Variants in SYNE1 observed in about 807,000 individuals in gnomAD.
The protein encoded by SYNE1 is nesprin-1.
SYNE1 carries 616 observed loss-of-function variants against 1,111.0 expected under a neutral mutation model. The ratio of observed to expected loss-of-function variants is 0.55; its 90% CI spans 0.52 to 0.59. SYNE1 has a LOEUF of 0.59. SYNE1 is among the 20% of genes least tolerant of loss of function. The probability of loss-of-function intolerance (pLI) is 0.00; values close to 1 mark genes in which losing one functional copy is unlikely to be tolerated. For missense variants in SYNE1, 10,006 were observed against 10,417.0 expected, an observed-to-expected ratio of 0.96 and a Z score of 1.72; for synonymous variants, 3,855 against 3,825.8, an observed-to-expected ratio of 1.01 and a Z score of -0.28.
intron 122 of SYNE1, 39 bp from the exon 123 acceptor site, chr6:152,213,798 T>A (rs1181076504): frequency 6.2e-7 from 1 of 1,613,496 alleles, no homozygotes; most frequent in Non-Finnish European, 8.5e-7. Context: ...GTTATTTCAC[T>A]GCTTATTCTT....
intron 91 of SYNE1, among the ~76,000 whole-genome samples, chr6:152,303,098 CTTTTTT>C (rs71017533): frequency 2.8e-5 from 3 of 107,086 alleles, no homozygotes; most frequent in African/African-American, 7.4e-5. Context: ...AACTATTATT[CTTTTTT>C]TTTTTTTTTT....
In SYNE1 at chr6:152,441,226, T is replaced by A. The variant is rs966425412; in HGVS notation, c.4053A>T (p.Thr1351=). 10 of 1,611,654 alleles carry A rather than the reference T, an allele frequency of 6.2e-6. No individual in the cohort carries two copies. In the African/African-American group the frequency reaches 1.3e-4, roughly 22 times the overall value. The part of the protein sequence containing the change: ...KWERFETNKE[T]VVRYLFQTGS... ...CTGTTTGAAAAAGGTATCTTACTAC[T>A]GTTTCTTTGTTTGTTTCAAATCGCT... Residue 1351 remains threonine (T), a synonymous_variant, in exon 32 of 146, where the codon ACA becomes ACT. Transcript: ENST00000367255.
At chr6:152,279,917 C>A (rs1414585928) in intron 97 of SYNE1, among the ~76,000 whole-genome samples, 3 of 151,782 alleles carry the variant, frequency 2.0e-5, no homozygotes, top group African/African-American at 7.3e-5. Context: ...GCTTTTAGAG[C>A]CCCAAGAAAA....
At chr6:152,630,612 G>A (rs1230098041) in intron 2 of SYNE1, among the ~76,000 whole-genome samples, 3 of 152,094 alleles carry the variant, frequency 2.0e-5, no homozygotes, top group Non-Finnish European at 2.9e-5. Flanking sequence ...GTTTTCAAAT[G>A]CAAAAATATA....
chr6:152,156,465 G>A (rs1041898439), intron 131 of SYNE1, among the ~76,000 whole-genome samples: 7 of 152,126 alleles, frequency 4.6e-5, no homozygotes, highest in African/African-American at 1.7e-4. Context: ...TCTGTCAGGG[G>A]ATTGGTTCCA....
At chr6:152,215,342 T>G (rs1478501967) in intron 121 of SYNE1, among the ~76,000 whole-genome samples, 2 of 152,246 alleles carry the variant, frequency 1.3e-5, no homozygotes, top group African/African-American at 4.8e-5. Context: ...ATATATTATT[T>G]ACTTGTATGG....
At position 152,541,230 on chromosome 6, in the gene SYNE1, A is replaced by G. The variant is rs191524838; in HGVS notation, c.68-1209T>C. On this transcript the variant is annotated intron_variant, in intron 3 of 145. Transcript: ENST00000367255. ...TTGCTTTGGGCAGTATGGATATTTT[A>G]ACAATATTGATTCTTCTCATCCATA... 1.2e-4 allele frequency among the ~76,000 whole-genome samples: 18 copies of G among 152,298 alleles called. No homozygotes were observed. The East Asian group carries it at 1.9e-3, about 16-fold the overall frequency.
intron 101 of SYNE1, among the ~76,000 whole-genome samples, 177 bp downstream of exon 101, chr6:152,261,855 T>C (rs1275823791): frequency 6.6e-6 from 1 of 152,140 alleles, no homozygotes; most frequent in African/African-American, 2.4e-5. Context: ...TATAAATATA[T>C]AATTATGAAG....
chr6:152,328,247 G>A (rs778427426), intron 78 of SYNE1, among the ~76,000 whole-genome samples: 62 of 152,054 alleles, frequency 4.1e-4, no homozygotes, highest in Non-Finnish European at 3.7e-4. Flanking sequence ...TTATCCTGAC[G>A]AAAGCTATCC....
chr6:152,225,470 G>A (rs2081365020), intron 116 of SYNE1, among the ~76,000 whole-genome samples: 1 of 151,734 alleles, frequency 6.6e-6, no homozygotes, highest in East Asian at 1.9e-4. Flanking sequence ...AGATGTTTGA[G>A]AATGATCTAT....
At chr6:152,194,385 C>T (rs2073526988) in intron 127 of SYNE1, among the ~76,000 whole-genome samples, 2 of 152,170 alleles carry the variant, frequency 1.3e-5, no homozygotes, top group South Asian at 4.1e-4. Context: ...TGTACTGAAG[C>T]TCCATTTTAT....
At chr6:152,590,796 C>T (rs1376878109) in intron 3 of SYNE1, among the ~76,000 whole-genome samples, 1 of 152,206 alleles carries the variant, frequency 6.6e-6, no homozygotes, top group Non-Finnish European at 1.5e-5. Context: ...AAACTCGTCT[C>T]ACATACTAAT....
intron 3 of SYNE1, among the ~76,000 whole-genome samples, chr6:152,543,928 G>A (rs2099290175): frequency 6.6e-6 from 1 of 152,172 alleles, no homozygotes; most frequent in African/African-American, 2.4e-5. Context: ...GTTTGCACAA[G>A]TACACCCTAC....
intron 73 of SYNE1, 95 bp downstream of exon 73, chr6:152,346,964 G>C: frequency 6.8e-7 from 1 of 1,467,052 alleles, no homozygotes; most frequent in Non-Finnish European, 9.3e-7. Context: ...CGAATCCAAA[G>C]ATTTGAGCAT....
rs758884804 is a variant in SYNE1, at chr6:152,156,084, T to C, written c.23804A>G (p.Asp7935Gly). ...KLNEQQELQR[D>G]IEKHSTGVAS... ...AACACCTGTACTGTGCTTCTCTATG[T>C]CTCTCTGAAGCTCCTGCAGGGGAAC... The change falls in exon 132 of 146, where the codon GAC (aspartate) becomes GGC (glycine). Residue 7935 changes from aspartate (D) to glycine (G), a missense_variant. Coordinates refer to ENST00000367255, the MANE Select transcript of SYNE1 (RefSeq NM_182961.4). 6.2e-7 allele frequency: 1 copy of C among 1,614,180 alleles called. No homozygotes were observed. The highest frequency in any genetic ancestry group is 8.5e-7 in the Non-Finnish European group (1 of 1,180,026).
chr6:152,500,464 T>A (rs945247066), intron 10 of SYNE1, among the ~76,000 whole-genome samples: 6 of 152,228 alleles, frequency 3.9e-5, no homozygotes, highest in Non-Finnish European at 7.3e-5. Context: ...TTATTGTTTT[T>A]AAGAAGCTAA....
intron 3 of SYNE1, among the ~76,000 whole-genome samples, chr6:152,610,058 G>A (rs1339145714): frequency 6.6e-6 from 1 of 152,216 alleles, no homozygotes; most frequent in Non-Finnish European, 1.5e-5. Context: ...CAGAAAACCT[G>A]AAAATTCTAA....
intron 64 of SYNE1, 149 bp downstream of exon 64, chr6:152,362,021 A>T: frequency 9.3e-7 from 1 of 1,070,530 alleles, no homozygotes; most frequent in Non-Finnish European, 1.4e-6. Flanking sequence ...AGTCCAGTTT[A>T]AGAAGCCTTT....
At chr6:152,311,901 G>A (rs1247073380) in intron 87 of SYNE1, among the ~76,000 whole-genome samples, 2 of 151,750 alleles carry the variant, frequency 1.3e-5, no homozygotes, top group African/African-American at 2.4e-5. Flanking sequence ...TCAGCCCCCC[G>A]AGCAGCTGGG....
Sources: gnomAD v4.1 joint callset for allele counts (sites outside exome capture counted in the v4.1 genomes callset) on GRCh38, gnomAD v4.1.1 for gene constraint, MANE v1.5 for transcripts, NCBI Gene and HGNC (gene_info 2026-07-23, HGNC 2026-07-21) for gene names.